CCDC91: variants seen among roughly 807,000 people sequenced by gnomAD.
The protein encoded by CCDC91 is coiled-coil domain-containing protein 91.
Under a neutral mutation model 63.2 loss-of-function variants are expected in CCDC91, and 48 were observed. The ratio of observed to expected loss-of-function variants is 0.76; its 90% CI spans 0.60 to 0.97. The LOEUF is 0.97. Among genes scored for constraint, CCDC91 ranks in the 50% least tolerant of loss-of-function variants. The pLI is 0.00. For missense variants in CCDC91, 500 were observed against 494.6 expected (o/e 1.01, Z -0.10); for synonymous variants, 167 against 165.8 (o/e 1.01, Z -0.06).
At chr12:28,496,962 G>A (rs1003140918) in intron 12 of CCDC91, among the ~76,000 whole-genome samples, 3 of 143,502 alleles carry the variant, frequency 2.1e-5, no homozygotes, top group African/African-American at 5.1e-5. Flanking sequence ...ATATATATAT[G>A]TAGGATTTTT....
chr12:28,383,458 T>C (rs1945415202), intron 7 of CCDC91, among the ~76,000 whole-genome samples: 1 of 152,160 alleles, frequency 6.6e-6, no homozygotes. Context: ...TGTTTCTTAA[T>C]TCAGCTTTTC....
intron 1 of CCDC91, among the ~76,000 whole-genome samples, chr12:28,195,657 G>C (rs1427686268): frequency 6.6e-6 from 1 of 152,156 alleles, no homozygotes; most frequent in East Asian, 1.9e-4. Context: ...AAATTTTTGA[G>C]TATTCGAGTT....
chr12:28,255,144 A>G (rs749828246), intron 1 of CCDC91, among the ~76,000 whole-genome samples: 1 of 152,188 alleles, frequency 6.6e-6, no homozygotes, highest in Non-Finnish European at 1.5e-5. Flanking sequence ...ATCAGAACTT[A>G]GGAAACTGAC....
chr12:28,284,101 T>C (rs1311226618), intron 3 of CCDC91, among the ~76,000 whole-genome samples: 1 of 152,204 alleles, frequency 6.6e-6, no homozygotes, highest in Non-Finnish European at 1.5e-5. Flanking sequence ...TAAACATTCA[T>C]GATACAGCCT....
chr12:28,296,214 AT>A (rs2136907993), intron 3 of CCDC91, among the ~76,000 whole-genome samples: 1 of 151,736 alleles, frequency 6.6e-6, no homozygotes, highest in East Asian at 1.9e-4. Flanking sequence ...ATATTATATA[AT>A]TTTATGTTGA....
intron 8 of CCDC91, among the ~76,000 whole-genome samples, chr12:28,403,938 A>T (rs983611589): frequency 1.3e-5 from 2 of 151,920 alleles, no homozygotes; most frequent in Non-Finnish European, 2.9e-5. Flanking sequence ...AGTCTGCTAG[A>T]GCCTTATCAG....
chr12:28,520,118 T>A (rs193119910), intron 12 of CCDC91, among the ~76,000 whole-genome samples: 2,399 of 151,746 alleles, frequency 0.016, 71 homozygotes, highest in African/African-American at 0.055. Context: ...AAATGGTATT[T>A]AGTTCTAGAT....
intron 7 of CCDC91, among the ~76,000 whole-genome samples, chr12:28,364,277 T>A (rs551304802): frequency 1.3e-5 from 2 of 151,706 alleles, no homozygotes; most frequent in African/African-American, 4.8e-5. Flanking sequence ...TCCCAGCTAC[T>A]TGGGGGAGGC....
rs558163265 is a variant in CCDC91, at chr12:28,213,921, A to G, written c.-15+23280A>G. Reference sequence around the variant, plus strand: ...TTGAAAGGCTGGTGCAGGATTCTCCAGAAGGCTGTATATATGCTGGATCAG... The same window carrying G: ...TTGAAAGGCTGGTGCAGGATTCTCCGGAAGGCTGTATATATGCTGGATCAG... On this transcript the variant is annotated intron_variant, in intron 1 of 12. Transcript: ENST00000536442. Among the ~76,000 whole-genome samples, 16 of 152,338 alleles carry G rather than the reference A, an allele frequency of 1.1e-4. No homozygotes were observed. In the South Asian group the frequency reaches 2.1e-3, roughly 20 times the overall value.
intron 7 of CCDC91, among the ~76,000 whole-genome samples, chr12:28,376,393 G>A (rs998339443): frequency 6.6e-6 from 1 of 151,624 alleles, no homozygotes; most frequent in Admixed American, 6.6e-5. Flanking sequence ...AGTGTATGAT[G>A]GACTGCTGTT....
At chr12:28,389,561 T>A (rs949191849) in intron 7 of CCDC91, among the ~76,000 whole-genome samples, 7 of 152,240 alleles carry the variant, frequency 4.6e-5, no homozygotes, top group Non-Finnish European at 8.8e-5. Flanking sequence ...TTGTACTTCT[T>A]AATTATGGAG....
rs1555208049 is a variant in CCDC91 at position 28,417,640 on chromosome 12, T to TACAC, written c.762+26241_762+26244dup. On this transcript the variant is annotated intron_variant, in intron 8 of 12. Coordinates refer to ENST00000536442, the MANE Select transcript of CCDC91 (RefSeq NM_018318.5). ...TTTGAGATATATATATATATATATA[T>TACAC]ACACACACACACACATTGTTAAATG... 7.4e-3 allele frequency among the ~76,000 whole-genome samples: 833 copies of TACAC among 112,134 alleles called. 8 individuals are homozygous for TACAC. Among genetic ancestry groups the TACAC allele is most frequent in the Middle Eastern group, 0.019 (4 of 208 alleles). The allele number at this position is 112,134 out of a possible 152,430, so 73.6% of individuals were successfully genotyped here.
intron 8 of CCDC91, among the ~76,000 whole-genome samples, chr12:28,439,306 A>G (rs906137420): frequency 2.0e-5 from 3 of 152,168 alleles, no homozygotes; most frequent in Admixed American, 2.0e-4. Flanking sequence ...AATATTATTT[A>G]ATCTGTTGGC....
At chr12:28,476,559 A>G (rs1951104953) in intron 11 of CCDC91, among the ~76,000 whole-genome samples, 1 of 152,126 alleles carries the variant, frequency 6.6e-6, no homozygotes, top group Non-Finnish European at 1.5e-5. Context: ...AATTAAAAGA[A>G]CTAGAGAAGC....
At chr12:28,332,518 A>C (rs1285105340) in intron 6 of CCDC91, among the ~76,000 whole-genome samples, 1 of 152,218 alleles carries the variant, frequency 6.6e-6, no homozygotes, top group Non-Finnish European at 1.5e-5. Flanking sequence ...TACCTTTCAT[A>C]GGAATAAATT....
intron 8 of CCDC91, among the ~76,000 whole-genome samples, chr12:28,407,132 T>G (rs1947002804): frequency 6.6e-6 from 1 of 152,188 alleles, no homozygotes; most frequent in African/African-American, 2.4e-5. Context: ...GTGATGTGCT[T>G]GCTCCCCCTT....
rs1939784329 is a variant in CCDC91, at chr12:28,315,668, A to G, written c.576+7919A>G. Among the ~76,000 whole-genome samples, 4 of 152,026 alleles carry G rather than the reference A, an allele frequency of 2.6e-5. No homozygotes were observed. In the East Asian group the frequency reaches 5.8e-4, roughly 22 times the overall value. ...TCAAAAAATGCTAAATTAGTGGCTG[A>G]CACCAGTTAATTAATGTGTTCAAGT... On this transcript the variant is annotated intron_variant, in intron 6 of 12. Coordinates refer to ENST00000536442, the MANE Select transcript of CCDC91 (RefSeq NM_018318.5).
chr12:28,414,548 A>G (rs917914395), intron 8 of CCDC91, among the ~76,000 whole-genome samples: 1 of 152,134 alleles, frequency 6.6e-6, no homozygotes, highest in Non-Finnish European at 1.5e-5. Context: ...GGTTTAATTA[A>G]GATTAAGGAA....
chr12:28,408,609 A>G (rs1334789303), intron 8 of CCDC91, among the ~76,000 whole-genome samples: 2 of 152,034 alleles, frequency 1.3e-5, no homozygotes, highest in Non-Finnish European at 2.9e-5. Context: ...GTGTCTGTCC[A>G]TATACTTTGC....
Sources: gnomAD v4.1 joint callset for allele counts (sites outside exome capture counted in the v4.1 genomes callset) on GRCh38, gnomAD v4.1.1 for gene constraint, MANE v1.5 for transcripts, NCBI Gene and HGNC (gene_info 2026-07-23, HGNC 2026-07-21) for gene names.